The following IQCM variants were observed in gnomAD, a reference collection of about 807,000 sequenced individuals.
The protein encoded by IQCM is IQ domain-containing protein M.
A neutral mutation model predicts 57.6 loss-of-function variants in IQCM; 45 were observed. The observed-to-expected ratio is 0.78, with a 90% confidence interval of 0.62 to 1.00. The LOEUF (loss-of-function observed/expected upper bound fraction) is 1.00, where lower values mean the gene tolerates loss of function less well. IQCM is among the 50% of genes least tolerant of loss of function. The pLI, the probability that IQCM is intolerant of heterozygous loss-of-function variation, is 0.00. For missense variants in IQCM, 468 were observed against 511.6 expected (o/e 0.91, Z 0.82); for synonymous variants, 148 against 158.9 (o/e 0.93, Z 0.51).
intron 2 of IQCM, among the ~76,000 whole-genome samples, chr4:149,749,926 T>C (rs1768277018): frequency 6.6e-6 from 1 of 152,146 alleles, no homozygotes; most frequent in South Asian, 2.1e-4. Context: ...TTGTCTTCCA[T>C]AAGCCTGAGC....
chr4:149,591,576 A>G (rs1279454566), intron 8 of IQCM, among the ~76,000 whole-genome samples: 2 of 151,824 alleles, frequency 1.3e-5, no homozygotes, highest in Non-Finnish European at 1.5e-5. Flanking sequence ...AGCATTAGGT[A>G]TATCTCCTAA....
intron 12 of IQCM, among the ~76,000 whole-genome samples, chr4:149,459,881 G>A (rs1351448132): frequency 6.6e-6 from 1 of 152,070 alleles, no homozygotes; most frequent in Admixed American, 6.5e-5. Context: ...TGCGAACGTG[G>A]GTTGAACAAA....
chr4:149,450,662 T>A (rs1407874996), intron 12 of IQCM, among the ~76,000 whole-genome samples: 1 of 151,726 alleles, frequency 6.6e-6, no homozygotes, highest in Non-Finnish European at 1.5e-5. Flanking sequence ...CAACAAGATA[T>A]AATCTCATCT....
chr4:149,777,466 A>G (rs1408984534), intron 2 of IQCM, among the ~76,000 whole-genome samples: 1 of 152,174 alleles, frequency 6.6e-6, no homozygotes, highest in Non-Finnish European at 1.5e-5. Flanking sequence ...AAGATAGCAA[A>G]CTCTGAGAAA....
At chr4:149,678,635 T>C (rs1039348978) in intron 7 of IQCM, among the ~76,000 whole-genome samples, 88 of 151,232 alleles carry the variant, frequency 5.8e-4, no homozygotes, top group African/African-American at 2.1e-3. Flanking sequence ...CCCAGAATAC[T>C]ATAATAATAT....
At chr4:149,554,706 CT>C (rs35580641) in intron 10 of IQCM, among the ~76,000 whole-genome samples, 137,258 of 143,092 alleles carry the variant, frequency 0.96, 65,987 homozygotes, top group East Asian at 1. Context: ...TCTTTTCTTT[CT>C]TTTTTTTTTT....
At chr4:149,662,686 T>A (rs2150157568) in intron 7 of IQCM, among the ~76,000 whole-genome samples, 1 of 152,112 alleles carries the variant, frequency 6.6e-6, no homozygotes, top group East Asian at 1.9e-4. Flanking sequence ...TATAATTTTT[T>A]AATTAAAGCC....
chr4:149,439,921 C>T (rs184106341), intron 12 of IQCM, among the ~76,000 whole-genome samples: 2 of 151,026 alleles, frequency 1.3e-5, no homozygotes, highest in East Asian at 3.9e-4. Flanking sequence ...ATTTACCTCA[C>T]AGGTCAGATG....
intron 12 of IQCM, among the ~76,000 whole-genome samples, chr4:149,485,052 A>C (rs1258045530): frequency 6.6e-6 from 1 of 152,020 alleles, no homozygotes; most frequent in Non-Finnish European, 1.5e-5. Context: ...CTGGCCTGTA[A>C]GTTTTCCAGT....
intron 9 of IQCM, among the ~76,000 whole-genome samples, chr4:149,564,507 G>A: frequency 6.6e-6 from 1 of 152,124 alleles, no homozygotes; most frequent in Admixed American, 6.6e-5. Flanking sequence ...TGTCTGTGAG[G>A]ATGTTGCCAA....
At position 149,731,863 on chromosome 4, in the gene IQCM, T is replaced by C. The variant is rs551045551; in HGVS notation, c.385+1381A>G. Among the ~76,000 whole-genome samples the C allele has an allele frequency of 8.4e-5, 12 of 143,070 alleles. No homozygotes were observed. The East Asian group carries it at 2.5e-3, about 30-fold the overall frequency. The allele number at this position is 143,070 out of a possible 152,430, so 93.9% of individuals were successfully genotyped here. On this transcript the variant is annotated intron_variant, in intron 5 of 13. Transcript: ENST00000636793. Reference sequence around the variant, plus strand: ...TCTCCAATAAGGAATATAACGTGTATTTTATTTAAATGTTTCTAACCAAAG... The same window carrying C: ...TCTCCAATAAGGAATATAACGTGTACTTTATTTAAATGTTTCTAACCAAAG...
chr4:149,668,167 C>A (rs922867411), intron 7 of IQCM, among the ~76,000 whole-genome samples: 1 of 152,142 alleles, frequency 6.6e-6, no homozygotes, highest in Admixed American at 6.5e-5. Context: ...ATGTTAAGGG[C>A]AGCCAGAGAG....
At chr4:149,457,107 A>T (rs1488843548) in intron 12 of IQCM, among the ~76,000 whole-genome samples, 1 of 152,154 alleles carries the variant, frequency 6.6e-6, no homozygotes. Flanking sequence ...TCCTGAGGCC[A>T]TACTAAAAAG....
At chr4:149,769,255 C>T (rs551703334) in intron 2 of IQCM, among the ~76,000 whole-genome samples, 11 of 152,086 alleles carry the variant, frequency 7.2e-5, no homozygotes, top group South Asian at 4.1e-4. Flanking sequence ...CTCCTGAACA[C>T]GTAGTTCTGA....
chr4:149,704,645 A>T (rs192346362), intron 5 of IQCM, among the ~76,000 whole-genome samples: 289 of 151,988 alleles, frequency 1.9e-3, no homozygotes, highest in Non-Finnish European at 2.6e-3. Flanking sequence ...AGAAGAGATA[A>T]ATCTGCCAAG....
At chr4:149,516,672 G>A (rs561753099) in intron 12 of IQCM, among the ~76,000 whole-genome samples, 12 of 152,254 alleles carry the variant, frequency 7.9e-5, no homozygotes, top group Admixed American at 2.0e-4. Flanking sequence ...GGTGGAAGTA[G>A]AAGTGGAAGT....
At chr4:149,502,077 C>T (rs1480996899) in intron 12 of IQCM, among the ~76,000 whole-genome samples, 1 of 151,500 alleles carries the variant, frequency 6.6e-6, no homozygotes, top group Non-Finnish European at 1.5e-5. Context: ...ATACATCAAA[C>T]CACTTATGGG....
chr4:149,684,664 G>A (rs1051184187), intron 6 of IQCM, among the ~76,000 whole-genome samples: 7 of 151,212 alleles, frequency 4.6e-5, no homozygotes, highest in African/African-American at 1.7e-4. Context: ...ATTATGTGGT[G>A]AACTCGATTT....
At chr4:149,784,040 T>C (rs1771857443) in intron 2 of IQCM, among the ~76,000 whole-genome samples, 1 of 152,214 alleles carries the variant, frequency 6.6e-6, no homozygotes, top group African/African-American at 2.4e-5. Flanking sequence ...ACTCAAGCCA[T>C]GCCCAGCGTC....
Sources: allele counts gnomAD v4.1 joint callset (sites outside exome capture counted in the v4.1 genomes callset), GRCh38; gene constraint gnomAD v4.1.1; transcripts MANE v1.5; gene names NCBI Gene and HGNC (gene_info 2026-07-23, HGNC 2026-07-21).